SAMMSON: variants seen among roughly 807,000 people sequenced by gnomAD.
The protein encoded by SAMMSON is long intergenic non-protein coding RNA 1212.
At chr3:70,075,722 C>T (rs2067245941) in intron 4 of SAMMSON, among the ~76,000 whole-genome samples, 1 of 152,038 alleles carries the variant, frequency 6.6e-6, no homozygotes, top group African/African-American at 2.4e-5. Context: ...AAATGTTATT[C>T]TGAAAAGCAA....
Position 70,165,852 on chromosome 3 carries a change from G to A in SAMMSON, n.508-83255G>A, listed in dbSNP as rs557763898. 4.8e-4 allele frequency among the ~76,000 whole-genome samples: 73 copies of A among 152,006 alleles called. 1 individual carries two copies. In the South Asian group the frequency reaches 0.014, roughly 29 times the overall value. ...TCATATTCCCAAAGCTATTGCCATC[G>A]GAAAATGTGCCATCCAGCTCTCTGG... On this transcript the variant is annotated intron_variant and non_coding_transcript_variant, in intron 4 of 9. Transcript: ENST00000642114.
chr3:70,252,878 G>A (rs531514821), intron 6 of SAMMSON, among the ~76,000 whole-genome samples: 3 of 151,794 alleles, frequency 2.0e-5, no homozygotes, highest in East Asian at 1.9e-4. Flanking sequence ...TCAGGAGTTC[G>A]AGACCAGCGT....
chr3:70,001,250 AAAGT>A (rs1351350488), intron 1 of SAMMSON, among the ~76,000 whole-genome samples: 2 of 152,142 alleles, frequency 1.3e-5, no homozygotes, highest in African/African-American at 4.8e-5. Context: ...TAAAAAACGA[AAAGT>A]AAGTCTGTCT....
intron 7 of SAMMSON, among the ~76,000 whole-genome samples, chr3:70,293,328 G>C (rs1200600291): frequency 1.3e-5 from 2 of 152,124 alleles, no homozygotes; most frequent in Non-Finnish European, 2.9e-5. Flanking sequence ...TGATATAGTT[G>C]TATATGTGTG....
intron 4 of SAMMSON, among the ~76,000 whole-genome samples, chr3:70,222,250 C>T (rs1375747007): frequency 6.6e-6 from 1 of 152,116 alleles, no homozygotes; most frequent in African/African-American, 2.4e-5. Context: ...TTCATACTTG[C>T]TTTTGGCAAC....
chr3:70,139,142 T>G (rs1356992577), intron 4 of SAMMSON, among the ~76,000 whole-genome samples: 1 of 152,176 alleles, frequency 6.6e-6, no homozygotes, highest in Non-Finnish European at 1.5e-5. Flanking sequence ...ATTAGAGACT[T>G]AGTATGAAAA....
intron 4 of SAMMSON, among the ~76,000 whole-genome samples, chr3:70,220,673 C>T (rs999641209): frequency 2.0e-5 from 3 of 152,056 alleles, no homozygotes; most frequent in South Asian, 2.1e-4. Context: ...TATGAGGAAA[C>T]CTTCAACAAT....
intron 4 of SAMMSON, among the ~76,000 whole-genome samples, chr3:70,088,274 T>C (rs2067292787): frequency 6.6e-6 from 1 of 152,192 alleles, no homozygotes; most frequent in African/African-American, 2.4e-5. Flanking sequence ...TTAGAATATA[T>C]GTGTTCTGAT....
intron 6 of SAMMSON, among the ~76,000 whole-genome samples, chr3:70,254,834 A>C (rs1293307633): frequency 6.6e-6 from 1 of 152,192 alleles, no homozygotes; most frequent in African/African-American, 2.4e-5. Context: ...ACATGTCTTT[A>C]TTTATGCATC....
chr3:70,090,383 G>A (rs2067300855), intron 4 of SAMMSON, among the ~76,000 whole-genome samples: 1 of 152,100 alleles, frequency 6.6e-6, no homozygotes, highest in Non-Finnish European at 1.5e-5. Context: ...ATGGCATTTA[G>A]CTTGTGAAAT....
intron 4 of SAMMSON, among the ~76,000 whole-genome samples, chr3:70,121,997 C>T (rs1014050460): frequency 2.6e-5 from 4 of 151,960 alleles, no homozygotes; most frequent in African/African-American, 9.7e-5. Flanking sequence ...ACCAGGGTCT[C>T]GACAGACCTG....
At chr3:70,144,815 A>G (rs1183014180) in intron 4 of SAMMSON, among the ~76,000 whole-genome samples, 1 of 152,100 alleles carries the variant, frequency 6.6e-6, no homozygotes, top group East Asian at 1.9e-4. Context: ...GTAAGATGTG[A>G]CTTGCTCCTC....
chr3:70,200,848 A>G (rs940831596), intron 4 of SAMMSON, among the ~76,000 whole-genome samples: 8 of 152,000 alleles, frequency 5.3e-5, no homozygotes, highest in African/African-American at 1.9e-4. Flanking sequence ...GTAAGATCGT[A>G]GAGCAGAGAT....
chr3:70,342,347 C>T (rs1159488476), intron 7 of SAMMSON, among the ~76,000 whole-genome samples: 1 of 152,138 alleles, frequency 6.6e-6, no homozygotes, highest in African/African-American at 2.4e-5. Flanking sequence ...TCATATTTGA[C>T]ACTGCTTGTT....
chr3:70,020,624 A>G (rs2067009670), intron 3 of SAMMSON, among the ~76,000 whole-genome samples: 1 of 152,044 alleles, frequency 6.6e-6, no homozygotes, highest in African/African-American at 2.4e-5. Context: ...TTTCATCCAC[A>G]CATTTCTCTT....
At chr3:70,169,090 A>G (rs2067650567) in intron 4 of SAMMSON, among the ~76,000 whole-genome samples, 1 of 152,024 alleles carries the variant, frequency 6.6e-6, no homozygotes, top group Non-Finnish European at 1.5e-5. Flanking sequence ...ATAAAAAGAA[A>G]GTTTCTATCA....
chr3:70,188,959 G>T (rs1361406955), intron 4 of SAMMSON, among the ~76,000 whole-genome samples: 1 of 152,272 alleles, frequency 6.6e-6, no homozygotes, highest in East Asian at 1.9e-4. Flanking sequence ...GCATTCTGGA[G>T]CAGGAGTCTC....
At chr3:70,342,182 C>A (rs1702716473) in intron 7 of SAMMSON, among the ~76,000 whole-genome samples, 1 of 152,142 alleles carries the variant, frequency 6.6e-6, no homozygotes, top group East Asian at 1.9e-4. Flanking sequence ...TGTTTGGGGT[C>A]ATTTTGTTTG....
chr3:70,299,053 C>T (rs1702319288), intron 7 of SAMMSON, among the ~76,000 whole-genome samples: 1 of 151,790 alleles, frequency 6.6e-6, no homozygotes, highest in African/African-American at 2.4e-5. Flanking sequence ...TTGGGTTAGC[C>T]AGATTATAAG....
Sources: allele counts gnomAD v4.1 joint callset (sites outside exome capture counted in the v4.1 genomes callset), GRCh38; gene constraint gnomAD v4.1.1; transcripts MANE v1.5; gene names NCBI Gene and HGNC (gene_info 2026-07-23, HGNC 2026-07-21).